Variants in CSNK2A2 observed in about 807,000 individuals in gnomAD.
The protein encoded by CSNK2A2 is casein kinase II subunit alpha'.
Under a neutral mutation model 54.0 loss-of-function variants are expected in CSNK2A2, and 8 were observed. The ratio of observed to expected loss-of-function variants is 0.15; its 90% confidence interval spans 0.09 to 0.27. CSNK2A2 has a LOEUF of 0.27. CSNK2A2 is among the 10% of genes least tolerant of loss of function. The pLI, the probability that CSNK2A2 is intolerant of heterozygous loss-of-function variation, is 1.00. For missense variants in CSNK2A2, 242 were observed against 439.4 expected, an observed-to-expected ratio of 0.55 and a Z score of 4.02; for synonymous variants, 141 against 153.9, an observed-to-expected ratio of 0.92 and a Z score of 0.62.
At chr16:58,175,087 G>A (rs1294029445) in intron 4 of CSNK2A2, among the ~76,000 whole-genome samples, 1 of 152,092 alleles carries the variant, frequency 6.6e-6, no homozygotes, top group Admixed American at 6.6e-5. Context: ...ATTCCAGACT[G>A]GAAAAAAAGA....
intron 5 of CSNK2A2, among the ~76,000 whole-genome samples, chr16:58,170,264 C>T (rs931320478): frequency 1.2e-4 from 19 of 152,156 alleles, no homozygotes; most frequent in African/African-American, 4.6e-4. Context: ...CCAACCCCTC[C>T]GTGCCCTGCC....
chr16:58,186,117 T>A (rs1014957698), intron 3 of CSNK2A2, among the ~76,000 whole-genome samples: 1 of 152,188 alleles, frequency 6.6e-6, no homozygotes, highest in Non-Finnish European at 1.5e-5. Context: ...GTGAGGTGTC[T>A]CCAACCTTAG....
At chr16:58,190,565 T>C (rs1962300892) in intron 2 of CSNK2A2, among the ~76,000 whole-genome samples, 1 of 152,244 alleles carries the variant, frequency 6.6e-6, no homozygotes, top group Non-Finnish European at 1.5e-5. Flanking sequence ...CAGAAAACTT[T>C]TCCTCTAATC....
chr16:58,196,709 A>G, intron 2 of CSNK2A2, 24 bp downstream of exon 2: 1 of 1,493,800 alleles, frequency 6.7e-7, no homozygotes, highest in South Asian at 1.1e-5. Flanking sequence ...GGAAAATGTT[A>G]CATACCACTC....
chr16:58,193,028 A>C (rs1483806837), intron 2 of CSNK2A2: 1 of 152,242 alleles, frequency 6.6e-6, no homozygotes, highest in Non-Finnish European at 1.5e-5. Flanking sequence ...ATAATTTTTA[A>C]CATTATTTTT....
intron 8 of CSNK2A2, 128 bp from the exon 9 acceptor site, chr16:58,166,812 G>A (rs1961575855): frequency 1.5e-6 from 1 of 658,468 alleles, no homozygotes; most frequent in African/African-American, 1.8e-5. Flanking sequence ...ACAAACCCAG[G>A]TCCAGGGCAG....
rs1474767631 is a variant in CSNK2A2 at position 58,197,685 on chromosome 16, T to C, written c.52A>G (p.Ser18Gly). The change falls in exon 1 of 12, where the codon AGT becomes GGT. Residue 18 changes from serine to glycine, a missense_variant. This residue lies in a region of CSNK2A2 where 48 missense variants were observed against 55.4 expected (regional missense o/e 0.87). Coordinates refer to ENST00000262506, the MANE Select transcript of CSNK2A2 (RefSeq NM_001896.4). This position sits in a 1 kb window ranked among gnomAD's most constrained non-coding sequence, Gnocchi z 4.0. Reference protein sequence around the residue: ...SRARVYAEVNSLRSREYWDYE... With the variant: ...SRARVYAEVNGLRSREYWDYE... ...TCCCAGTACTCGCGGCTCCTCAGAC[T>C]GTTCACCTCGGCGTAGACCCGGGCC... 6.4e-6 allele frequency: 10 copies of C among 1,570,360 alleles called. No homozygotes were observed. Among genetic ancestry groups the C allele is most frequent in the South Asian group, 1.2e-5 (1 of 86,754 alleles).
At chr16:58,189,619 C>T (rs1962278218) in intron 2 of CSNK2A2, among the ~76,000 whole-genome samples, 1 of 152,210 alleles carries the variant, frequency 6.6e-6, no homozygotes, top group South Asian at 2.1e-4. Flanking sequence ...GCAACTGAAG[C>T]ATATTTTGCT....
chr16:58,175,284 C>T (rs920473948), intron 4 of CSNK2A2, among the ~76,000 whole-genome samples: 4 of 152,206 alleles, frequency 2.6e-5, no homozygotes, highest in Admixed American at 1.3e-4. Context: ...TCATTAAAGG[C>T]ATCATAAACC....
At chr16:58,186,919 A>G (rs997860321) in intron 2 of CSNK2A2, 63 bp from the exon 3 acceptor site, 1 of 1,319,174 alleles carries the variant, frequency 7.6e-7, no homozygotes, top group African/African-American at 1.4e-5. Context: ...AAAACTTTAA[A>G]ACAATGTTAG....
chr16:58,184,869 T>A (rs1423144943), intron 3 of CSNK2A2, among the ~76,000 whole-genome samples: 1 of 152,152 alleles, frequency 6.6e-6, no homozygotes, highest in Non-Finnish European at 1.5e-5. Context: ...AATATAACCA[T>A]CCGTGATATT....
Position 58,198,090 on chromosome 16 carries a change from GAGA to G in CSNK2A2, c.-357_-355del, listed in dbSNP as rs1028586602. Among the ~76,000 whole-genome samples the G allele has an allele frequency of 4.1e-5, 6 of 146,848 alleles. No homozygotes were observed. The highest frequency in any genetic ancestry group is 2.1e-4 in the South Asian group (1 of 4,808). Reference sequence around the variant, plus strand: ...GAAAGGGGCAGCGGCGGCGGCAGCGGAGAAGAAGGAGGAGAGGAGGAGGAGGCG... The same window carrying G: ...GAAAGGGGCAGCGGCGGCGGCAGCGGAGAAGGAGGAGAGGAGGAGGAGGCG... On this transcript the variant is annotated 5_prime_UTR_variant, in exon 1 of 12. Transcript: ENST00000262506.
At chr16:58,176,529 G>A (rs1385928913) in intron 4 of CSNK2A2, among the ~76,000 whole-genome samples, 3 of 152,084 alleles carry the variant, frequency 2.0e-5, no homozygotes, top group Admixed American at 6.6e-5. Flanking sequence ...ACATTTAACC[G>A]CCTGGGCCCA....
intron 8 of CSNK2A2, 85 bp downstream of exon 8, chr16:58,167,122 G>T: frequency 1.2e-6 from 1 of 809,856 alleles, no homozygotes; most frequent in South Asian, 1.9e-5. Flanking sequence ...ATACTTAGTG[G>T]CTCAAGGATA....
At chr16:58,158,808 G>A (rs1219319691) in intron 11 of CSNK2A2, 2 of 152,186 alleles carry the variant, frequency 1.3e-5, no homozygotes, top group Non-Finnish European at 2.9e-5. Flanking sequence ...AAAGGGCTGA[G>A]TCCACTAATA....
rs751434503 is a variant in CSNK2A2, at chr16:58,174,426, T to C, written c.429+25A>G. ...TTTTAATGAACAGGCCTGAAAAAAA[T>C]TAATGGTTTATGAACACCACTTACT... On this transcript the variant is annotated intron_variant, in intron 5 of 11. Coordinates refer to ENST00000262506, the MANE Select transcript of CSNK2A2 (RefSeq NM_001896.4). 53 of 1,548,342 alleles carry C rather than the reference T, an allele frequency of 3.4e-5. No homozygotes were observed. In the East Asian group the frequency reaches 5.4e-4, roughly 16 times the overall value.
At chr16:58,167,100 A>G (rs1961586528) in intron 8 of CSNK2A2, 107 bp downstream of exon 8, 2 of 668,140 alleles carry the variant, frequency 3.0e-6, no homozygotes, top group Middle Eastern at 2.5e-4. Context: ...GCTCATATGC[A>G]GACACTGAGT....
intron 5 of CSNK2A2, 71 bp from the exon 6 acceptor site, chr16:58,168,764 T>C: frequency 8.2e-7 from 1 of 1,222,974 alleles, no homozygotes; most frequent in Non-Finnish European, 1.2e-6. Flanking sequence ...CATAGTCTTA[T>C]TGTTTGTGAC....
At chr16:58,195,963 GA>G (rs1258822943) in intron 2 of CSNK2A2, among the ~76,000 whole-genome samples, 1 of 152,048 alleles carries the variant, frequency 6.6e-6, no homozygotes, top group African/African-American at 2.4e-5. Context: ...ACTGCCAAAG[GA>G]AAAAAACAAG....
Sources: allele counts gnomAD v4.1 joint callset (sites outside exome capture counted in the v4.1 genomes callset), GRCh38; gene constraint gnomAD v4.1.1; regional missense constraint gnomAD v4.1.1; non-coding constraint Gnocchi (gnomAD v3.1); transcripts MANE v1.5; gene names NCBI Gene and HGNC (gene_info 2026-07-23, HGNC 2026-07-21).